The following TAF4 variants were observed in gnomAD, a reference collection of about 807,000 sequenced individuals.
TAF4 encodes TATA-box binding protein associated factor 4.
In TAF4, 9 loss-of-function variants were observed where a neutral mutation model predicts 90.3. That is an observed-to-expected ratio of 0.10 (90% confidence interval 0.06 to 0.17). The LOEUF is 0.17. Among genes scored for constraint, TAF4 ranks in the 10% least tolerant of loss-of-function variants. TAF4 has a pLI of 1.00. For missense variants in TAF4, 1,351 were observed against 1,370.7 expected (o/e 0.99, Z 0.23); for synonymous variants, 818 against 638.9 (o/e 1.28, Z -4.23).
intron 14 of TAF4, among the ~76,000 whole-genome samples, chr20:61,990,593 T>TC: frequency 6.6e-6 from 1 of 152,088 alleles, no homozygotes; most frequent in African/African-American, 2.4e-5. Flanking sequence ...AGCAGGTCCC[T>TC]CCAAGAGCCG....
chr20:62,023,472 T>A (rs984424768), intron 1 of TAF4, among the ~76,000 whole-genome samples: 4 of 151,204 alleles, frequency 2.6e-5, no homozygotes, highest in African/African-American at 9.7e-5. Context: ...TGACACGAGC[T>A]GATCTCAAGA....
intron 14 of TAF4, among the ~76,000 whole-genome samples, chr20:61,987,355 A>T (rs1404179566): frequency 6.6e-6 from 1 of 152,218 alleles, no homozygotes; most frequent in Non-Finnish European, 1.5e-5. Context: ...CCGGGGCAGG[A>T]AAGGACGTCG....
intron 1 of TAF4, chr20:62,037,994 T>A (rs1341078919): frequency 6.4e-6 from 1 of 155,680 alleles, no homozygotes; most frequent in Non-Finnish European, 1.4e-5. Context: ...GGAAGAGCTA[T>A]AAAGTCACTA....
chr20:62,003,254 C>A lies in TAF4; in HGVS notation c.2392G>T (p.Val798Leu). The change falls in exon 9 of 15, where the codon GTG (valine) becomes TTG (leucine). Residue 798 changes from valine (V) to leucine (L), a missense_variant. Val to Leu is a conservative substitution (Grantham distance 32). This residue lies in a region of TAF4 where 202 missense variants were observed against 229.7 expected (regional missense o/e 0.88). Coordinates refer to ENST00000252996, the MANE Select transcript of TAF4 (RefSeq NM_003185.4). ...GAAAGGGCTTTGGTTCCAGGTAACA[C>A]GGCGGGTTTCACCACAGGGACTACA... ...LQPVPVVKPA[V>L]LPGTKALSAV... is the part of the protein sequence containing the mutation. 4 of 1,614,134 alleles carry A rather than the reference C, an allele frequency of 2.5e-6. No homozygotes were observed. The highest frequency in any genetic ancestry group is 3.4e-6 in the Non-Finnish European group (4 of 1,180,018).
chr20:62,044,590 A>G (rs2055982326), intron 1 of TAF4, among the ~76,000 whole-genome samples: 1 of 152,222 alleles, frequency 6.6e-6, no homozygotes, highest in Non-Finnish European at 1.5e-5. Flanking sequence ...AAGAAACCTT[A>G]AACTTTACTC....
At chr20:62,004,338 T>TTTTTTTTC (rs1425225920) in intron 7 of TAF4, among the ~76,000 whole-genome samples, 2 of 146,768 alleles carry the variant, frequency 1.4e-5, no homozygotes, top group Non-Finnish European at 3.0e-5. Context: ...CTTTTTTTTT[T>TTTTTTTTC]TTTTTTTGAG....
intron 1 of TAF4, among the ~76,000 whole-genome samples, chr20:62,017,824 A>T (rs2055820890): frequency 1.3e-5 from 2 of 152,026 alleles, no homozygotes; most frequent in Non-Finnish European, 2.9e-5. Flanking sequence ...ACAGAGCAAG[A>T]GTCCACCTCA....
At chr20:62,055,391 A>G (rs2056057527) in intron 1 of TAF4, among the ~76,000 whole-genome samples, 2 of 152,202 alleles carry the variant, frequency 1.3e-5, no homozygotes, top group African/African-American at 4.8e-5. Context: ...AAGACAATCA[A>G]TTCACACTGT....
intron 14 of TAF4, among the ~76,000 whole-genome samples, chr20:61,995,700 A>G (rs558947539): frequency 3.9e-5 from 2 of 50,890 alleles, no homozygotes; most frequent in Non-Finnish European, 7.6e-5. Context: ...CGTCTCTACT[A>G]AAAATACAAA....
rs2055483374 is a variant in TAF4, at chr20:61,974,914, T to C, written c.*1254A>G. 1 of 152,352 alleles carries C rather than the reference T, an allele frequency of 6.6e-6. No homozygotes were observed. The highest frequency in any genetic ancestry group is 1.5e-5 in the Non-Finnish European group (1 of 68,022). 9.4% of individuals were successfully genotyped at this position (152,352 alleles called of 1,614,324 possible). The stretch of plus-strand genomic sequence containing the variant: ...ATATTTACATATGAACAAGTAACTG[T>C]GCAAAATTTACATGAAAAAATGGAA... On this transcript the variant is annotated 3_prime_UTR_variant, in exon 15 of 15. Coordinates refer to ENST00000252996, the MANE Select transcript of TAF4 (RefSeq NM_003185.4). The surrounding 1 kb of genome is among the most constrained non-coding windows in gnomAD (Gnocchi z 4.1).
At chr20:61,980,146 C>G (rs771965375) in intron 14 of TAF4, 1 of 152,396 alleles carries the variant, frequency 6.6e-6, no homozygotes, top group African/African-American at 2.4e-5. Context: ...CATGGCGCTG[C>G]AGACAGCCCT....
chr20:62,032,499 G>C (rs1193944204), intron 1 of TAF4, among the ~76,000 whole-genome samples: 1 of 152,258 alleles, frequency 6.6e-6, no homozygotes, highest in African/African-American at 2.4e-5. Context: ...GGCAGCGCCT[G>C]CTGTCTGCAG....
intron 1 of TAF4, among the ~76,000 whole-genome samples, chr20:62,026,145 C>G (rs1311934960): frequency 2.0e-5 from 3 of 152,176 alleles, no homozygotes; most frequent in Admixed American, 6.5e-5. Flanking sequence ...CTGCCAAGTT[C>G]ACAGCTAGCA....
intron 1 of TAF4, among the ~76,000 whole-genome samples, chr20:62,034,845 G>C (rs1038714724): frequency 8.5e-6 from 1 of 117,048 alleles, no homozygotes; most frequent in African/African-American, 3.2e-5. Flanking sequence ...TTTTGAGATG[G>C]AGTCTCGCTC....
intron 1 of TAF4, among the ~76,000 whole-genome samples, chr20:62,045,511 G>A (rs181259780): frequency 8.5e-4 from 130 of 152,366 alleles, no homozygotes; most frequent in Non-Finnish European, 1.5e-3. Flanking sequence ...CCACACACCC[G>A]TGGTCTCGGT....
At chr20:61,990,588 G>C (rs763763427) in intron 14 of TAF4, among the ~76,000 whole-genome samples, 2 of 152,176 alleles carry the variant, frequency 1.3e-5, no homozygotes, top group Non-Finnish European at 2.9e-5. Context: ...AGAGCAGCAG[G>C]TCCCTCCAAG....
intron 14 of TAF4, among the ~76,000 whole-genome samples, chr20:61,993,098 C>T (rs2123113962): frequency 6.6e-6 from 1 of 152,284 alleles, no homozygotes; most frequent in African/African-American, 2.4e-5. Flanking sequence ...ACCAAGCGGC[C>T]AAACAGTAGT....
chr20:61,977,509 T>C (rs1292216770), intron 14 of TAF4, among the ~76,000 whole-genome samples: 1 of 151,932 alleles, frequency 6.6e-6, no homozygotes, highest in Non-Finnish European at 1.5e-5. Flanking sequence ...CCGTCCTTCC[T>C]CCCCCCTTCC....
At chr20:62,022,415 A>G (rs955190650) in intron 1 of TAF4, among the ~76,000 whole-genome samples, 4 of 152,192 alleles carry the variant, frequency 2.6e-5, no homozygotes, top group Admixed American at 6.5e-5. Context: ...CAAAAGGGCC[A>G]AAGAGATGAG....
Sources: gnomAD v4.1 joint callset for allele counts (sites outside exome capture counted in the v4.1 genomes callset) on GRCh38, gnomAD v4.1.1 for gene constraint, gnomAD v4.1.1 regional missense constraint, Gnocchi (gnomAD v3.1) non-coding constraint, MANE v1.5 for transcripts, NCBI Gene and HGNC (gene_info 2026-07-23, HGNC 2026-07-21) for gene names.